RASGRF2: variants seen among roughly 807,000 people sequenced by gnomAD.
The protein encoded by RASGRF2 is Ras protein specific guanine nucleotide releasing factor 2, also known as ras-specific guanine nucleotide-releasing factor 2.
A neutral mutation model predicts 151.0 loss-of-function variants in RASGRF2; 76 were observed. That is an observed-to-expected ratio of 0.50 (90% CI 0.42 to 0.61). The LOEUF (loss-of-function observed/expected upper bound fraction) is 0.61, where lower values mean the gene tolerates loss of function less well. Among genes scored for constraint, RASGRF2 ranks in the 20% least tolerant of loss-of-function variants. The probability of loss-of-function intolerance (pLI) is 0.00; values close to 1 mark genes in which losing one functional copy is unlikely to be tolerated. For synonymous variants in RASGRF2, 504 were observed against 566.5 expected (o/e 0.89, Z 1.57); for missense variants, 1,148 against 1,564.6 (o/e 0.73, Z 4.49).
At chr5:81,142,237 T>G (rs34122) in intron 17 of RASGRF2, among the ~76,000 whole-genome samples, 1 of 151,862 alleles carries the variant, frequency 6.6e-6, no homozygotes, top group African/African-American at 2.4e-5. Context: ...CTCAAAATAT[T>G]CCTGTCCCGG....
In RASGRF2 at chr5:81,226,996, T is replaced by C. The variant is rs922896681; in HGVS notation, c.*1226T>C. ...TTCCTTTTCCCAAGATTGTCAGTTGTTGAAGAAATAGGGCTATCTCATTGT... is the reference window on the plus strand; with the variant it reads ...TTCCTTTTCCCAAGATTGTCAGTTGCTGAAGAAATAGGGCTATCTCATTGT... On this transcript the variant is annotated 3_prime_UTR_variant, in exon 27 of 27. Transcript: ENST00000265080. 6.6e-6 allele frequency: 1 copy of C among 152,222 alleles called. No individual in the cohort carries two copies. Among genetic ancestry groups the C allele is most frequent in the African/African-American group, 2.4e-5 (1 of 41,458 alleles). The allele number at this position is 152,222 out of a possible 1,614,324, so 9.4% of individuals were successfully genotyped here. A position where few individuals can be genotyped will look rare whatever the true frequency, so the allele number is the denominator to read the frequency against.
intron 17 of RASGRF2, among the ~76,000 whole-genome samples, chr5:81,149,543 G>A (rs1754086439): frequency 1.3e-5 from 2 of 152,012 alleles, no homozygotes; most frequent in Non-Finnish European, 2.9e-5. Flanking sequence ...ACTTGGTGAT[G>A]GGGGCACCAA....
chr5:81,073,319 G>T lies in RASGRF2; in HGVS notation c.754G>T (p.Val252Leu). 6.2e-7 allele frequency: 1 copy of T among 1,614,148 alleles called. No individual in the cohort carries two copies. Among genetic ancestry groups the T allele is most frequent in the South Asian group, 1.1e-5 (1 of 91,074 alleles). The change falls in exon 5 of 27, where the codon GTG becomes TTG. Residue 252 changes from valine to leucine, a missense_variant. Physicochemically the swap from Val to Leu is conservative, Grantham distance 32. This residue lies in a region of RASGRF2 where 176 missense variants were observed against 309.6 expected (regional missense o/e 0.57). Coordinates refer to ENST00000265080, the MANE Select transcript of RASGRF2 (RefSeq NM_006909.3). ...RKRNQIVFTMVEAESEYVHQL... is the reference protein window; with the variant it reads ...RKRNQIVFTMLEAESEYVHQL... Reference sequence around the variant, plus strand: ...GAGAAACCAGATTGTGTTCACCATGGTGGAGGCAGAGTCAGAGTACGTTCA... The same window carrying T: ...GAGAAACCAGATTGTGTTCACCATGTTGGAGGCAGAGTCAGAGTACGTTCA...
chr5:81,169,169 C>A (rs1389623515), intron 17 of RASGRF2, among the ~76,000 whole-genome samples: 1 of 152,170 alleles, frequency 6.6e-6, no homozygotes, highest in African/African-American at 2.4e-5. Flanking sequence ...TGATTTCCTC[C>A]CTCAAACCTG....
chr5:81,205,300 CCT>C (rs1338848943), intron 19 of RASGRF2, among the ~76,000 whole-genome samples: 2 of 152,152 alleles, frequency 1.3e-5, no homozygotes, highest in African/African-American at 4.8e-5. Context: ...TGAAGAGGTG[CCT>C]TCCCTGAGCC....
chr5:81,224,339 T>A (rs1755926397), intron 26 of RASGRF2, among the ~76,000 whole-genome samples: 1 of 152,238 alleles, frequency 6.6e-6, no homozygotes, highest in Admixed American at 6.5e-5. Context: ...TACTGTCATG[T>A]ACTGTAGGTG....
At chr5:81,128,458 G>A (rs550628874) in intron 17 of RASGRF2, among the ~76,000 whole-genome samples, 2 of 152,260 alleles carry the variant, frequency 1.3e-5, no homozygotes, top group African/African-American at 4.8e-5. Flanking sequence ...TCACTCAGGC[G>A]ATCTGTGGGT....
At chr5:81,108,967 G>A in intron 12 of RASGRF2, 29 bp from the exon 13 acceptor site, 1 of 1,586,438 alleles carries the variant, frequency 6.3e-7, no homozygotes. Flanking sequence ...TTTCATGTGG[G>A]TTGTAATTGT....
chr5:81,168,026 T>C (rs1754552402), intron 17 of RASGRF2, among the ~76,000 whole-genome samples: 1 of 152,122 alleles, frequency 6.6e-6, no homozygotes, highest in Admixed American at 6.5e-5. Context: ...TGATCTTGTC[T>C]CATATTTCAC....
At chr5:81,125,837 T>C (rs1319270792) in intron 16 of RASGRF2, among the ~76,000 whole-genome samples, 1 of 152,226 alleles carries the variant, frequency 6.6e-6, no homozygotes, top group African/African-American at 2.4e-5. Context: ...CATAGAGACA[T>C]AGAAACATGG....
At chr5:81,087,091 G>T in intron 9 of RASGRF2, 138 bp downstream of exon 9, 2 of 789,942 alleles carry the variant, frequency 2.5e-6, no homozygotes, top group South Asian at 1.4e-5. Context: ...TCGCCGAGGC[G>T]GTGGTTGAGG....
Position 81,136,228 on chromosome 5 carries a change from T to A in RASGRF2, c.2686+9065T>A, listed in dbSNP as rs117436458. ...TTCCTTTATCTTCATTTTTTCCTTC[T>A]TCAGTGCTCTTCTTTTGTTTATATA... On this transcript the variant is annotated intron_variant, in intron 17 of 26. Coordinates refer to ENST00000265080, the MANE Select transcript of RASGRF2 (RefSeq NM_006909.3). Among the ~76,000 whole-genome samples the A allele has an allele frequency of 3.3e-5, 5 of 152,354 alleles. No individual in the cohort carries two copies. In the East Asian group the frequency reaches 9.6e-4, roughly 29 times the overall value.
chr5:81,194,225 A>G (rs1389275582), intron 18 of RASGRF2, among the ~76,000 whole-genome samples: 1 of 151,424 alleles, frequency 6.6e-6, no homozygotes, highest in African/African-American at 2.4e-5. Flanking sequence ...GCATGGTAGC[A>G]TGTGCCTGTA....
intron 17 of RASGRF2, among the ~76,000 whole-genome samples, chr5:81,143,751 G>A (rs914212759): frequency 2.0e-5 from 3 of 151,928 alleles, no homozygotes; most frequent in South Asian, 2.1e-4. Flanking sequence ...TTAGCCGGAC[G>A]TGGTGGTGCA....
intron 1 of RASGRF2, among the ~76,000 whole-genome samples, chr5:80,986,992 A>G (rs924228733): frequency 2.6e-5 from 4 of 152,112 alleles, no homozygotes; most frequent in African/African-American, 7.2e-5. Flanking sequence ...ATACAAAGCT[A>G]GTCATCACTG....
At chr5:81,073,142 CATAA>C in intron 4 of RASGRF2, 53 bp from the exon 5 acceptor site, 3 of 1,527,736 alleles carry the variant, frequency 2.0e-6, no homozygotes, top group Non-Finnish European at 2.7e-6. Flanking sequence ...TGTTCTTTTC[CATAA>C]ATAAATCACC....
chr5:81,197,910 T>C (rs1755303448), intron 18 of RASGRF2, among the ~76,000 whole-genome samples: 1 of 152,232 alleles, frequency 6.6e-6, no homozygotes, highest in Non-Finnish European at 1.5e-5. Context: ...TTTATAAGGA[T>C]ACATTTAATT....
At chr5:81,214,841 A>G (rs963786541) in intron 23 of RASGRF2, among the ~76,000 whole-genome samples, 1 of 152,228 alleles carries the variant, frequency 6.6e-6, no homozygotes, top group Non-Finnish European at 1.5e-5. Flanking sequence ...CCCCAGACCA[A>G]TGTCAACAAC....
intron 17 of RASGRF2, among the ~76,000 whole-genome samples, chr5:81,145,675 G>A (rs1047360582): frequency 4.6e-5 from 7 of 152,110 alleles, no homozygotes; most frequent in African/African-American, 1.7e-4. Flanking sequence ...TAGGTCTTCT[G>A]CCAACAGCCA....
Sources: allele counts gnomAD v4.1 joint callset (sites outside exome capture counted in the v4.1 genomes callset), GRCh38; gene constraint gnomAD v4.1.1; regional missense constraint gnomAD v4.1.1; transcripts MANE v1.5; gene names NCBI Gene and HGNC (gene_info 2026-07-23, HGNC 2026-07-21).